RABGAP1L: variants seen among roughly 807,000 people sequenced by gnomAD.
RABGAP1L encodes the protein rab GTPase-activating protein 1-like.
A neutral mutation model predicts 137.7 loss-of-function variants in RABGAP1L; 63 were observed. The ratio of observed to expected loss-of-function variants is 0.46; its 90% CI spans 0.37 to 0.56. The LOEUF is 0.56. Ranked by LOEUF, RABGAP1L falls within the 20% of genes least tolerant of loss-of-function variation. The pLI, the probability that RABGAP1L is intolerant of heterozygous loss-of-function variation, is 0.00. For synonymous variants in RABGAP1L, 431 were observed against 433.7 expected (o/e 0.99, Z 0.08); for missense variants, 1,095 against 1,244.0 (o/e 0.88, Z 1.80).
chr1:174,803,898 T>C (rs893226736), intron 18 of RABGAP1L, among the ~76,000 whole-genome samples: 15 of 151,300 alleles, frequency 9.9e-5, no homozygotes, highest in Non-Finnish European at 1.9e-4. Flanking sequence ...CATGGCAAAA[T>C]CCCATCTCTC....
rs1279357667 is a variant in RABGAP1L, at chr1:174,991,988, A to G, written c.*1987A>G. ...ATAGTTCTGTACAGAGCTTGTTTCA[A>G]TTTACAAAAATAAGTACATTCCACA... On this transcript the variant is annotated 3_prime_UTR_variant, in exon 26 of 26. Transcript: ENST00000681986. The G allele has an allele frequency of 3.9e-5, 6 of 152,192 alleles. No individual in the cohort carries two copies. Among genetic ancestry groups the G allele is most frequent in the Admixed American group, 1.3e-4 (2 of 15,290 alleles). The allele number at this position is 152,192 out of a possible 1,614,324, so 9.4% of individuals were successfully genotyped here.
intron 13 of RABGAP1L, among the ~76,000 whole-genome samples, chr1:174,523,068 T>C (rs1184841519): frequency 6.6e-6 from 1 of 152,222 alleles, no homozygotes; most frequent in Non-Finnish European, 1.5e-5. Flanking sequence ...TTCAGTCTTC[T>C]GTTAGCCCTC....
intron 3 of RABGAP1L, among the ~76,000 whole-genome samples, chr1:174,222,414 A>G (rs1467383232): frequency 6.6e-6 from 1 of 152,210 alleles, no homozygotes; most frequent in Non-Finnish European, 1.5e-5. Context: ...AGGGAATGTA[A>G]TCACAGTGCC....
chr1:174,835,419 A>G (rs1692636642), intron 19 of RABGAP1L, among the ~76,000 whole-genome samples: 1 of 152,226 alleles, frequency 6.6e-6, no homozygotes, highest in Non-Finnish European at 1.5e-5. Context: ...AATTCAATTT[A>G]TAGTAAATTT....
At chr1:174,797,205 A>G (rs1417478234) in intron 18 of RABGAP1L, among the ~76,000 whole-genome samples, 1 of 152,042 alleles carries the variant, frequency 6.6e-6, no homozygotes, top group African/African-American at 2.4e-5. Flanking sequence ...AGTACTTTTC[A>G]AGACCAAGTT....
chr1:174,898,683 T>C (rs963483094), intron 19 of RABGAP1L, among the ~76,000 whole-genome samples: 2 of 152,182 alleles, frequency 1.3e-5, no homozygotes, highest in African/African-American at 4.8e-5. Context: ...GCTTTATACA[T>C]GGAAAGAGGG....
chr1:174,982,995 G>A (rs529381677), intron 24 of RABGAP1L, 90 bp downstream of exon 24: 18 of 1,306,574 alleles, frequency 1.4e-5, no homozygotes, highest in African/African-American at 1.0e-4. Context: ...CCACCATTTT[G>A]TATTAAAGGA....
At chr1:174,575,041 C>T (rs1347660264) in intron 13 of RABGAP1L, among the ~76,000 whole-genome samples, 1 of 152,198 alleles carries the variant, frequency 6.6e-6, no homozygotes, top group Non-Finnish European at 1.5e-5. Context: ...AGCGATTCTC[C>T]TGCCTCAGCC....
At chr1:174,256,553 C>A (rs144023059) in intron 7 of RABGAP1L, among the ~76,000 whole-genome samples, 9,192 of 152,176 alleles carry the variant, frequency 0.06, 968 homozygotes, top group African/African-American at 0.21. Flanking sequence ...GAGGCCGAGG[C>A]GGGCAGATCA....
intron 14 of RABGAP1L, among the ~76,000 whole-genome samples, chr1:174,670,555 C>G (rs1454340236): frequency 6.6e-6 from 1 of 152,060 alleles, no homozygotes; most frequent in Admixed American, 6.6e-5. Context: ...CAACAACTAC[C>G]CTTTTCAGCC....
At chr1:174,502,950 AATG>A (rs1661461247) in intron 13 of RABGAP1L, among the ~76,000 whole-genome samples, 1 of 152,196 alleles carries the variant, frequency 6.6e-6, no homozygotes, top group Non-Finnish European at 1.5e-5. Context: ...TTGGAGATAT[AATG>A]ATATTAGGGT....
At position 174,498,388 on chromosome 1, in the gene RABGAP1L, T is replaced by A. The variant is rs543422751; in HGVS notation, c.1710+104243T>A. On this transcript the variant is annotated intron_variant, in intron 13 of 25. Coordinates refer to ENST00000681986, the MANE Select transcript of RABGAP1L (RefSeq NM_001366446.1). ...ATTGGTTTTACAAGCTTCATTTTAA[T>A]GATTTGTTATTATTACTGTGCGACT... 7.9e-5 allele frequency among the ~76,000 whole-genome samples: 12 copies of A among 152,366 alleles called. 1 individual carries two copies. The South Asian group carries it at 2.5e-3, about 32-fold the overall frequency.
At chr1:174,445,017 T>C (rs1396659977) in intron 13 of RABGAP1L, among the ~76,000 whole-genome samples, 1 of 152,124 alleles carries the variant, frequency 6.6e-6, no homozygotes, top group Non-Finnish European at 1.5e-5. Context: ...CTTTCTTCAT[T>C]TGGAAAATGA....
At chr1:174,751,502 T>C (rs1410926787) in intron 17 of RABGAP1L, among the ~76,000 whole-genome samples, 2 of 152,216 alleles carry the variant, frequency 1.3e-5, no homozygotes, top group Non-Finnish European at 2.9e-5. Context: ...TTTTCTTATG[T>C]ATGATGACTT....
rs201234883 is a variant in RABGAP1L, at chr1:174,195,785, T to TTTTCTTTCTTTC, written c.-33-23326_-33-23315dup. Among the ~76,000 whole-genome samples, 731 of 112,760 alleles carry TTTTCTTTCTTTC rather than the reference T, an allele frequency of 6.5e-3. 3 individuals carry two copies. The highest frequency in any genetic ancestry group is 9.6e-3 in the African/African-American group (267 of 27,728). The allele number at this position is 112,760 out of a possible 152,430, so 74.0% of individuals were successfully genotyped here. On this transcript the variant is annotated intron_variant, in intron 1 of 25. Transcript: ENST00000681986. ...TCTCTTTCTCTCTTTCCTTTCTTTC[T>TTTTCTTTCTTTC]TTTCTTTCTTTCTTTCTTTCTTTCT... is the stretch of plus-strand genomic sequence containing the variant.
intron 13 of RABGAP1L, among the ~76,000 whole-genome samples, chr1:174,618,690 G>GA (rs1294399497): frequency 6.6e-6 from 1 of 152,108 alleles, no homozygotes; most frequent in Non-Finnish European, 1.5e-5. Flanking sequence ...CAAAGATGGG[G>GA]AAAAAACAGA....
intron 1 of RABGAP1L, among the ~76,000 whole-genome samples, chr1:174,165,645 A>C (rs777926463): frequency 2.6e-5 from 4 of 152,062 alleles, no homozygotes; most frequent in Non-Finnish European, 5.9e-5. Context: ...CTATATAGGC[A>C]CACACCAACA....
chr1:174,812,829 G>A (rs537963793), intron 19 of RABGAP1L, among the ~76,000 whole-genome samples: 9 of 152,278 alleles, frequency 5.9e-5, no homozygotes, highest in South Asian at 4.1e-4. Flanking sequence ...ACCTCACTGA[G>A]TCAATGAAGG....
At chr1:174,267,990 G>T (rs1674214726) in intron 7 of RABGAP1L, among the ~76,000 whole-genome samples, 1 of 152,098 alleles carries the variant, frequency 6.6e-6, no homozygotes, top group Non-Finnish European at 1.5e-5. Flanking sequence ...AGTCTTTTTA[G>T]TAAGGGAAAT....
Sources: allele counts gnomAD v4.1 joint callset (sites outside exome capture counted in the v4.1 genomes callset), GRCh38; gene constraint gnomAD v4.1.1; transcripts MANE v1.5; gene names NCBI Gene and HGNC (gene_info 2026-07-23, HGNC 2026-07-21).